The following BICC1 variants were observed in gnomAD, a reference collection of about 807,000 sequenced individuals.
BICC1 encodes the protein protein bicaudal C homolog 1.
BICC1 carries 43 observed loss-of-function variants against 111.0 expected under a neutral mutation model. That is an observed-to-expected ratio of 0.39 (90% CI 0.30 to 0.50). BICC1 has a LOEUF of 0.50. Among genes scored for constraint, BICC1 ranks in the 20% least tolerant of loss-of-function variants. BICC1 has a pLI of 0.88. For synonymous variants in BICC1, 467 were observed against 434.4 expected, an observed-to-expected ratio of 1.07 and a Z score of -0.93; for missense variants, 1,091 against 1,203.2, an observed-to-expected ratio of 0.91 and a Z score of 1.38.
intron 3 of BICC1, among the ~76,000 whole-genome samples, chr10:58,709,460 C>T (rs1840504569): frequency 6.6e-6 from 1 of 152,238 alleles, no homozygotes. Context: ...TTGTAGAACA[C>T]TGTGCTAGGT....
At chr10:58,556,817 T>C (rs2131935065) in intron 1 of BICC1, among the ~76,000 whole-genome samples, 1 of 152,236 alleles carries the variant, frequency 6.6e-6, no homozygotes, top group Non-Finnish European at 1.5e-5. Flanking sequence ...CTCAGTCATA[T>C]GAGGCTTCCA....
intron 3 of BICC1, among the ~76,000 whole-genome samples, chr10:58,741,803 T>G (rs982149742): frequency 2.6e-5 from 4 of 152,168 alleles, no homozygotes; most frequent in African/African-American, 7.2e-5. Flanking sequence ...GGTTTGAGCC[T>G]AGGAGACGAG....
At chr10:58,718,788 GCA>G (rs1296751662) in intron 3 of BICC1, among the ~76,000 whole-genome samples, 2,116 of 150,028 alleles carry the variant, frequency 0.014, 54 homozygotes, top group African/African-American at 0.05. Context: ...GCGCGCGTGC[GCA>G]CGCCCGCGTG....
intron 2 of BICC1, among the ~76,000 whole-genome samples, chr10:58,699,081 A>G (rs1357958294): frequency 6.6e-6 from 1 of 152,224 alleles, no homozygotes; most frequent in Non-Finnish European, 1.5e-5. Context: ...CATATAGGAG[A>G]GGTCAGCTCC....
Position 58,676,171 on chromosome 10 carries a change from T to C in BICC1, c.238-25903T>C, listed in dbSNP as rs1319758319. Among the ~76,000 whole-genome samples the C allele has an allele frequency of 2.6e-5, 4 of 152,154 alleles. No individual in the cohort carries two copies. In the East Asian group the frequency reaches 7.7e-4, roughly 29 times the overall value. On this transcript the variant is annotated intron_variant, in intron 2 of 20. Transcript: ENST00000373886. ...TAGGGTGCCTACACCACCAGGGCCC[T>C]GGGTTTCAAGCACAAAACTGGGTGG...
chr10:58,691,455 C>T (rs1483423763), intron 2 of BICC1, among the ~76,000 whole-genome samples: 3 of 152,170 alleles, frequency 2.0e-5, no homozygotes, highest in Non-Finnish European at 4.4e-5. Context: ...CTGTTCTTCA[C>T]TAACATTATA....
At chr10:58,656,834 A>G (rs1411901535) in intron 2 of BICC1, among the ~76,000 whole-genome samples, 2 of 152,044 alleles carry the variant, frequency 1.3e-5, no homozygotes, top group Non-Finnish European at 2.9e-5. Context: ...ACACCTCCAT[A>G]CTCTACCAGC....
intron 1 of BICC1, among the ~76,000 whole-genome samples, chr10:58,536,255 C>G (rs1163405499): frequency 6.6e-6 from 1 of 151,608 alleles, no homozygotes; most frequent in African/African-American, 2.4e-5. Flanking sequence ...CAAGAACTAC[C>G]CAAGAACTGC....
intron 3 of BICC1, among the ~76,000 whole-genome samples, chr10:58,762,662 A>G (rs1453963281): frequency 6.6e-6 from 1 of 152,108 alleles, no homozygotes; most frequent in Non-Finnish European, 1.5e-5. Flanking sequence ...TTCATGATGG[A>G]CCATTTCAGT....
intron 2 of BICC1, among the ~76,000 whole-genome samples, chr10:58,696,480 A>C (rs1052702526): frequency 2.0e-5 from 3 of 152,202 alleles, no homozygotes. Flanking sequence ...ATGAAGTTAC[A>C]CTTCAATTAT....
chr10:58,794,577 C>G (rs1048188926), intron 9 of BICC1, among the ~76,000 whole-genome samples: 4 of 151,980 alleles, frequency 2.6e-5, no homozygotes, highest in Non-Finnish European at 5.9e-5. Context: ...TGCCACCACA[C>G]CTGGCTAATG....
rs184499465 is a variant in BICC1 at position 58,575,969 on chromosome 10, T to C, written c.191-44886T>C. Among the ~76,000 whole-genome samples the C allele has an allele frequency of 2.3e-3, 351 of 152,358 alleles. 3 individuals are homozygous for C. Among genetic ancestry groups the C allele is most frequent in the African/African-American group, 7.6e-3 (318 of 41,588 alleles). ...AATATTTGAGCATTTATGCTAAGAA[T>C]AAGTGATAATATTTTACAATTTTTT... On this transcript the variant is annotated intron_variant, in intron 1 of 20. Transcript: ENST00000373886.
chr10:58,751,057 G>T (rs1338608292), intron 3 of BICC1, among the ~76,000 whole-genome samples: 1 of 152,150 alleles, frequency 6.6e-6, no homozygotes, highest in African/African-American at 2.4e-5. Context: ...AGCTGATTGA[G>T]TGGGTTTGAA....
intron 2 of BICC1, among the ~76,000 whole-genome samples, chr10:58,654,049 T>C (rs1260853082): frequency 6.7e-6 from 1 of 148,568 alleles, no homozygotes; most frequent in East Asian, 2.0e-4. Context: ...CCATGATGTA[T>C]ATGTGCCACA....
At chr10:58,744,436 T>TA (rs991570854) in intron 3 of BICC1, among the ~76,000 whole-genome samples, 5 of 151,352 alleles carry the variant, frequency 3.3e-5, no homozygotes, top group African/African-American at 9.7e-5. Context: ...TGATTTTTTT[T>TA]AAAAAAATAG....
At chr10:58,601,140 TTA>T (rs71033690) in intron 1 of BICC1, among the ~76,000 whole-genome samples, 23 of 100,662 alleles carry the variant, frequency 2.3e-4, no homozygotes, top group African/African-American at 6.2e-4. Context: ...ATTTTAAAAC[TTA>T]TATATATATA....
chr10:58,584,068 A>G (rs2132020136), intron 1 of BICC1, among the ~76,000 whole-genome samples: 1 of 149,592 alleles, frequency 6.7e-6, no homozygotes, highest in South Asian at 2.2e-4. Flanking sequence ...ACACACACAC[A>G]CACACACACA....
At chr10:58,592,955 G>A (rs1320845722) in intron 1 of BICC1, among the ~76,000 whole-genome samples, 1 of 146,892 alleles carries the variant, frequency 6.8e-6, no homozygotes, top group Non-Finnish European at 1.5e-5. Context: ...TACCCTGACA[G>A]AGCCCAGCAC....
intron 2 of BICC1, among the ~76,000 whole-genome samples, chr10:58,649,001 T>C (rs1838357800): frequency 6.6e-6 from 1 of 152,078 alleles, no homozygotes; most frequent in South Asian, 2.1e-4. Context: ...GGCAGAAACT[T>C]CTCTAATAAC....
Sources: gnomAD v4.1 joint callset for allele counts (sites outside exome capture counted in the v4.1 genomes callset) on GRCh38, gnomAD v4.1.1 for gene constraint, MANE v1.5 for transcripts, NCBI Gene and HGNC (gene_info 2026-07-23, HGNC 2026-07-21) for gene names.